KLF16: variants seen among roughly 807,000 people sequenced by gnomAD.
The protein encoded by KLF16 is KLF transcription factor 16.
A neutral mutation model predicts 6.1 loss-of-function variants in KLF16; 6 were observed. The observed-to-expected ratio is 0.98, with a 90% CI of 0.54 to 1.93. KLF16 has a LOEUF of 1.93. Ranked by LOEUF, KLF16 falls within the 30% of genes most tolerant of loss-of-function variation. The probability of loss-of-function intolerance (pLI) is 0.01; values close to 1 mark genes in which losing one functional copy is unlikely to be tolerated. For missense variants in KLF16, 355 were observed against 363.8 expected (o/e 0.98, Z 0.20); for synonymous variants, 211 against 176.5 (o/e 1.20, Z -1.55).
upstream of KLF16, chr19:1,863,709 G>C (rs1014998570): frequency 7.1e-6 from 1 of 139,966 alleles, no homozygotes. Context: ...AGCCCGCCCC[G>C]CCCGGAGGAC....
At chr19:1,858,858 C>T (rs1383753981) in intron 1 of KLF16, among the ~76,000 whole-genome samples, 1 of 152,086 alleles carries the variant, frequency 6.6e-6, no homozygotes, top group Admixed American at 6.5e-5. Flanking sequence ...GTGGTGCCCC[C>T]CGCCCCCACA....
the KLF16 span, among the ~76,000 whole-genome samples, chr19:1,874,084 A>C: frequency 6.6e-6 from 1 of 152,338 alleles, no homozygotes; most frequent in Non-Finnish European, 1.5e-5. Context: ...AACTAGTACC[A>C]CATGGATCAG....
chr19:1,860,189 G>GC (rs1415904635), intron 1 of KLF16: 1 of 148,266 alleles, frequency 6.7e-6, no homozygotes, highest in Non-Finnish European at 1.5e-5. Context: ...CTCTCCTCCC[G>GC]CCCCCGCCCC....
At chr19:1,868,477 T>G (rs1456067877), upstream of KLF16, among the ~76,000 whole-genome samples, 2 of 50,416 alleles carry the variant, frequency 4.0e-5, no homozygotes, top group African/African-American at 7.9e-5. Flanking sequence ...TTTTTTTTTT[T>G]TTTTTTTTTT....
At chr19:1,874,737 TCA>T in the KLF16 span, 1 of 84,352 alleles carries the variant, frequency 1.2e-5, no homozygotes, top group African/African-American at 5.7e-5. Flanking sequence ...AATAAATGTG[TCA>T]GAGTCCCAAA....
the KLF16 span, chr19:1,875,422 A>G: frequency 1.3e-5 from 2 of 152,248 alleles, no homozygotes; most frequent in African/African-American, 4.8e-5. Context: ...ACGCACGTAG[A>G]TGTTCCTGCA....
chr19:1,867,435 C>A (rs1349853309), upstream of KLF16, among the ~76,000 whole-genome samples: 5 of 152,204 alleles, frequency 3.3e-5, no homozygotes, highest in Admixed American at 1.3e-4. Context: ...CTTACCCAGG[C>A]ATGGTAGTGC....
chr19:1,858,785 G>A (rs1487261115), intron 1 of KLF16, among the ~76,000 whole-genome samples: 1 of 152,122 alleles, frequency 6.6e-6, no homozygotes, highest in Non-Finnish European at 1.5e-5. Flanking sequence ...GTCGGCAGGG[G>A]ACAACCCCCT....
chr19:1,875,210 G>T, the KLF16 span: 1 of 152,170 alleles, frequency 6.6e-6, no homozygotes, highest in African/African-American at 2.4e-5. Context: ...GCAAAAAACG[G>T]TTTGTACAAG....
chr19:1,854,098 G>C lies in KLF16; in HGVS notation c.*361C>G. 4.2e-6 allele frequency: 1 copy of C among 239,340 alleles called. No homozygotes were observed. The allele number at this position is 239,340 out of a possible 1,614,324, so 14.8% of individuals were successfully genotyped here. On this transcript the variant is annotated 3_prime_UTR_variant, in exon 2 of 2. Coordinates refer to ENST00000250916, the MANE Select transcript of KLF16 (RefSeq NM_031918.4). ...GGCAGGGGGTGCTTTCCCCGGGCCGGCTCCCAGAAGTCCACTCCACCCCCC... is the reference window on the plus strand; with the variant it reads ...GGCAGGGGGTGCTTTCCCCGGGCCGCCTCCCAGAAGTCCACTCCACCCCCC...
intron 1 of KLF16, among the ~76,000 whole-genome samples, chr19:1,858,383 C>A (rs1407557775): frequency 6.6e-6 from 1 of 152,154 alleles, no homozygotes; most frequent in Admixed American, 6.5e-5. Context: ...TGGCCTGGTG[C>A]CCCCCAAGCA....
At chr19:1,866,890 T>C (rs949568164), upstream of KLF16, among the ~76,000 whole-genome samples, 9 of 151,852 alleles carry the variant, frequency 5.9e-5, no homozygotes, top group African/African-American at 1.9e-4. Context: ...CAGCAGACAC[T>C]TTGGGGCATC....
chr19:1,856,911 C>T (rs527287918), intron 1 of KLF16, among the ~76,000 whole-genome samples: 1 of 147,332 alleles, frequency 6.8e-6, no homozygotes, highest in East Asian at 2.0e-4. Context: ...TCTCCACTCC[C>T]TCTCCCCCAG....
the KLF16 span, chr19:1,875,243 C>G: frequency 6.6e-6 from 1 of 152,142 alleles, no homozygotes; most frequent in South Asian, 2.1e-4. Context: ...TAGCATTGTT[C>G]GTTATAAAAG....
upstream of KLF16, among the ~76,000 whole-genome samples, chr19:1,864,355 G>C (rs1035841385): frequency 6.6e-6 from 1 of 152,210 alleles, no homozygotes; most frequent in South Asian, 2.1e-4. Context: ...CTCTTCTCTG[G>C]GGTTCCCCCT....
At chr19:1,870,817 G>A in the KLF16 span, among the ~76,000 whole-genome samples, 1 of 152,048 alleles carries the variant, frequency 6.6e-6, no homozygotes, top group Non-Finnish European at 1.5e-5. Flanking sequence ...CCAACATGGT[G>A]AAACCCCGTC....
rs2011988875 is a variant in KLF16 at position 1,857,976 on chromosome 19, T to C, written c.458-3216A>G. The stretch of plus-strand genomic sequence containing the variant: ...AGCCTGGGGGTGGGGTCTCGAATAC[T>C]ACTGGGCCATAGCAACCCCCACACC... On this transcript the variant is annotated intron_variant, in intron 1 of 1. Coordinates refer to ENST00000250916, the MANE Select transcript of KLF16 (RefSeq NM_031918.4). This position sits in a 1 kb window ranked among gnomAD's most constrained non-coding sequence, Gnocchi z 4.7. Among the ~76,000 whole-genome samples the C allele has an allele frequency of 1.3e-5, 2 of 151,964 alleles. No individual in the cohort carries two copies. The highest frequency in any genetic ancestry group is 6.6e-5 in the Admixed American group (1 of 15,258).
chr19:1,854,473 G>GGGCT lies in KLF16; in HGVS notation c.741_744dup (p.Pro249SerfsTer14), dbSNP rs1400353580. On this transcript the variant is annotated frameshift_variant, in exon 2 of 2. Coordinates refer to ENST00000250916, the MANE Select transcript of KLF16 (RefSeq NM_031918.4). LOFTEE classifies it high-confidence loss of function. The stretch of plus-strand genomic sequence containing the variant: ...GCACGAGGGCCCTACAGGCCTGCGG[G>GGGCT]GGCTGGGCTGGGCGCGGGGCTGGGC... 1.4e-6 allele frequency: 2 copies of GGGCT among 1,419,098 alleles called. No individual in the cohort carries two copies. The highest frequency in any genetic ancestry group is 1.8e-6 in the Non-Finnish European group (2 of 1,099,164). The allele number at this position is 1,419,098 out of a possible 1,614,324, so 87.9% of individuals were successfully genotyped here.
At chr19:1,873,712 C>T in the KLF16 span, among the ~76,000 whole-genome samples, 3 of 152,250 alleles carry the variant, frequency 2.0e-5, no homozygotes, top group Non-Finnish European at 4.4e-5. Context: ...GGGGAGAGCG[C>T]GCGTCCTGGA....
Sources: gnomAD v4.1 joint callset for allele counts (sites outside exome capture counted in the v4.1 genomes callset) on GRCh38, gnomAD v4.1.1 for gene constraint, Gnocchi (gnomAD v3.1) non-coding constraint, MANE v1.5 for transcripts, NCBI Gene and HGNC (gene_info 2026-07-23, HGNC 2026-07-21) for gene names.